TG: variants seen among roughly 807,000 people sequenced by gnomAD.
TG encodes thyroglobulin.
In TG, 270 loss-of-function variants were observed where a neutral mutation model predicts 324.7. The ratio of observed to expected loss-of-function variants is 0.83; its 90% CI spans 0.75 to 0.92. The LOEUF (loss-of-function observed/expected upper bound fraction) is 0.92, where lower values mean the gene tolerates loss of function less well. Among genes scored for constraint, TG ranks in the 40% least tolerant of loss-of-function variants. TG has a pLI of 0.00. For missense variants in TG, 3,591 were observed against 3,456.4 expected (o/e 1.04, Z -0.98); for synonymous variants, 1,401 against 1,327.0 (o/e 1.06, Z -1.21).
At position 133,096,320 on chromosome 8, in the gene TG, C is replaced by T. The variant is rs778470679; in HGVS notation, c.7519C>T (p.Leu2507Phe). The change falls in exon 43 of 48, where the codon CTC (leucine) becomes TTC (phenylalanine). Residue 2507 changes from leucine to phenylalanine, a missense_variant. Leu to Phe is a conservative substitution (Grantham distance 22, BLOSUM62 0). Coordinates refer to ENST00000220616, the MANE Select transcript of TG (RefSeq NM_003235.5). ...GTCTTTATGGGTAGAGGTCGATCTG[C>T]TCATTGGGAGTTCTCAGGACGACGG... ...KRSLWVEVDLLIGSSQDDGLI... is the reference protein window; with the variant it reads ...KRSLWVEVDLFIGSSQDDGLI... The T allele has an allele frequency of 5.6e-6, 9 of 1,614,188 alleles. No individual in the cohort carries two copies. The highest frequency in any genetic ancestry group is 7.6e-6 in the Non-Finnish European group (9 of 1,180,042).
chr8:132,985,920 C>T (rs1221547931), intron 35 of TG, among the ~76,000 whole-genome samples: 2 of 151,832 alleles, frequency 1.3e-5, no homozygotes, highest in Non-Finnish European at 2.9e-5. Flanking sequence ...GGTTTAGATG[C>T]TTATATTCTT....
intron 20 of TG, among the ~76,000 whole-genome samples, chr8:132,918,156 G>A (rs1472619759): frequency 1.3e-5 from 2 of 152,128 alleles, no homozygotes; most frequent in Admixed American, 1.3e-4. Flanking sequence ...GAGAGAACCG[G>A]TGGGAGGAAA....
chr8:132,973,882 G>A lies in TG; in HGVS notation c.6199+1141G>A, dbSNP rs978138805. Among the ~76,000 whole-genome samples, 7 of 152,122 alleles carry A rather than the reference G, an allele frequency of 4.6e-5. No individual in the cohort carries two copies. The South Asian group carries it at 1.0e-3, about 23-fold the overall frequency. On this transcript the variant is annotated intron_variant, in intron 34 of 47. Coordinates refer to ENST00000220616, the MANE Select transcript of TG (RefSeq NM_003235.5). ...CTTATTAGTTTCAGAGTAAATATAT[G>A]GGGAATTCTGGCTCTTACTTAGCAC...
chr8:132,999,346 C>T (rs1010484898), intron 35 of TG, among the ~76,000 whole-genome samples: 1 of 152,060 alleles, frequency 6.6e-6, no homozygotes, highest in African/African-American at 2.4e-5. Context: ...CTATTCTTCT[C>T]ATTATTTTGC....
At chr8:132,923,034 G>C (rs974516603) in intron 21 of TG, among the ~76,000 whole-genome samples, 1 of 152,192 alleles carries the variant, frequency 6.6e-6, no homozygotes, top group Non-Finnish European at 1.5e-5. Context: ...GGCCAGAAGA[G>C]GGCCCAGATG....
At chr8:132,944,280 T>G (rs1824898834) in intron 26 of TG, among the ~76,000 whole-genome samples, 1 of 152,278 alleles carries the variant, frequency 6.6e-6, no homozygotes, top group South Asian at 2.1e-4. Context: ...GTATTATTAT[T>G]TTCTTGGCAC....
chr8:132,939,600 T>C (rs1240767053), intron 25 of TG, among the ~76,000 whole-genome samples: 1 of 152,056 alleles, frequency 6.6e-6, no homozygotes, highest in Non-Finnish European at 1.5e-5. Flanking sequence ...ATAAAACATC[T>C]GCTGAGCATA....
rs1397624435 is a variant in TG at position 133,011,811 on chromosome 8, C to T, written c.6263-90C>T. 7.0e-6 allele frequency: 11 copies of T among 1,576,970 alleles called. 1 individual carries two copies. Among genetic ancestry groups the T allele is most frequent in the South Asian group, 5.6e-5 (5 of 90,084 alleles). ...GACCAAGAGGAGGATGCCCCTAAGG[C>T]TGCCTTTGGGGATATTGGGTAATAC... On this transcript the variant is annotated intron_variant, in intron 35 of 47. Transcript: ENST00000220616.
At position 132,887,247 on chromosome 8, in the gene TG, C is replaced by A. The variant is rs773361770; in HGVS notation, c.1875C>A (p.Ser625Arg). ...LFVPSCTTEG[S>R]YEDVQCFSGE... ...TCCCATCATGCACGACAGAAGGAAG[C>A]TATGAGGATGTCCAATGCTTTTCCG... The change falls in exon 9 of 48, where the codon AGC (serine) becomes AGA (arginine). Residue 625 changes from serine to arginine, a missense_variant. Ser to Arg is a moderately radical substitution (Grantham distance 110). Coordinates refer to ENST00000220616, the MANE Select transcript of TG (RefSeq NM_003235.5). 6.2e-7 allele frequency: 1 copy of A among 1,604,184 alleles called. No homozygotes were observed. Among genetic ancestry groups the A allele is most frequent in the African/African-American group, 1.3e-5 (1 of 74,620 alleles).
intron 10 of TG, among the ~76,000 whole-genome samples, chr8:132,893,077 T>G (rs1488667847): frequency 3.6e-5 from 5 of 138,204 alleles, no homozygotes; most frequent in Non-Finnish European, 7.8e-5. Context: ...TGTGTGTGGG[T>G]GGTGTATGTG....
At chr8:133,087,118 ACACACG>A (rs1846714110) in intron 41 of TG, among the ~76,000 whole-genome samples, 2 of 118,358 alleles carry the variant, frequency 1.7e-5, no homozygotes, top group Admixed American at 1.7e-4. Flanking sequence ...ACACACACAC[ACACACG>A]GAAGAGACAT....
chr8:133,042,936 C>T (rs148961942), intron 41 of TG, among the ~76,000 whole-genome samples: 3,788 of 151,484 alleles, frequency 0.025, 153 homozygotes, highest in African/African-American at 0.087. Flanking sequence ...TCAGGCGATC[C>T]GCCCACCTCA....
intron 18 of TG, among the ~76,000 whole-genome samples, chr8:132,909,367 G>C (rs1291278256): frequency 6.6e-6 from 1 of 152,226 alleles, no homozygotes; most frequent in African/African-American, 2.4e-5. Flanking sequence ...GCAGGGAATG[G>C]CTGAAGACAT....
chr8:132,968,583 C>G (rs1828987538), intron 31 of TG, among the ~76,000 whole-genome samples: 1 of 152,170 alleles, frequency 6.6e-6, no homozygotes, highest in Non-Finnish European at 1.5e-5. Flanking sequence ...GGATGTCTTT[C>G]TCAGATGTCC....
At chr8:132,948,711 C>A in intron 26 of TG, 65 bp from the exon 27 acceptor site, 2 of 1,549,982 alleles carry the variant, frequency 1.3e-6, no homozygotes, top group Non-Finnish European at 1.8e-6. Context: ...TCTCAGGGGA[C>A]AGAGAAGAGT....
intron 34 of TG, among the ~76,000 whole-genome samples, chr8:132,979,231 A>G (rs915425238): frequency 2.6e-5 from 4 of 152,144 alleles, no homozygotes; most frequent in African/African-American, 9.7e-5. Flanking sequence ...CCTCTGTGGC[A>G]TTGGTACTCT....
At chr8:133,117,923 T>C (rs1240396173) in intron 45 of TG, among the ~76,000 whole-genome samples, 1 of 152,154 alleles carries the variant, frequency 6.6e-6, no homozygotes, top group East Asian at 1.9e-4. Context: ...TTCAATATCC[T>C]TACCTACAAA....
intron 35 of TG, among the ~76,000 whole-genome samples, chr8:132,996,975 T>G (rs902398842): frequency 3.9e-5 from 6 of 152,376 alleles, no homozygotes; most frequent in East Asian, 1.9e-4. Context: ...AGGCATCAGA[T>G]AGATTTCAGG....
At chr8:133,048,057 A>G (rs553287572) in intron 41 of TG, 2 of 609,234 alleles carry the variant, frequency 3.3e-6, no homozygotes, top group South Asian at 3.9e-5. Flanking sequence ...CTGAGACAGG[A>G]AGCATCATCT....
Sources: allele counts gnomAD v4.1 joint callset (sites outside exome capture counted in the v4.1 genomes callset), GRCh38; gene constraint gnomAD v4.1.1; transcripts MANE v1.5; gene names NCBI Gene and HGNC (gene_info 2026-07-23, HGNC 2026-07-21).